KLHL14: variants seen among roughly 807,000 people sequenced by gnomAD.
KLHL14 encodes kelch-like protein 14.
Under a neutral mutation model 64.3 loss-of-function variants are expected in KLHL14, and 22 were observed. The ratio of observed to expected loss-of-function variants is 0.34; its 90% CI spans 0.24 to 0.49. The LOEUF (loss-of-function observed/expected upper bound fraction) is 0.49. Among genes scored for constraint, KLHL14 ranks in the 20% least tolerant of loss-of-function variants. The probability of loss-of-function intolerance (pLI) is 0.99; values close to 1 mark genes in which losing one functional copy is unlikely to be tolerated. For missense variants in KLHL14, 661 were observed against 789.0 expected, an observed-to-expected ratio of 0.84 and a Z score of 1.94; for synonymous variants, 322 against 333.4, an observed-to-expected ratio of 0.97 and a Z score of 0.37.
intron 3 of KLHL14, among the ~76,000 whole-genome samples, chr18:32,721,132 G>C (rs781435820): frequency 6.6e-6 from 1 of 152,212 alleles, no homozygotes; most frequent in Non-Finnish European, 1.5e-5. Flanking sequence ...GCAGTGCTCT[G>C]AGGCTGGCCG....
At chr18:32,679,429 T>A (rs1310853427) in intron 7 of KLHL14, among the ~76,000 whole-genome samples, 2 of 152,038 alleles carry the variant, frequency 1.3e-5, no homozygotes, top group African/African-American at 4.8e-5. Flanking sequence ...CATAGAGCAG[T>A]TTCTTCATCT....
At chr18:32,690,861 A>C (rs2049904067) in intron 4 of KLHL14, among the ~76,000 whole-genome samples, 1 of 152,196 alleles carries the variant, frequency 6.6e-6, no homozygotes, top group Non-Finnish European at 1.5e-5. Flanking sequence ...ATCATGTGGG[A>C]AAGTTTGGAT....
At chr18:32,695,317 T>C (rs1333604711) in intron 4 of KLHL14, 146 bp downstream of exon 4, 7 of 638,676 alleles carry the variant, frequency 1.1e-5, no homozygotes, top group East Asian at 2.7e-5. Context: ...CTCTCTCCAA[T>C]TGTCAGCCCC....
intron 3 of KLHL14, 114 bp downstream of exon 3, chr18:32,741,814 G>T (rs1388895014): frequency 1.6e-6 from 2 of 1,231,362 alleles, no homozygotes; most frequent in South Asian, 1.7e-5. Context: ...AACCTCCAAA[G>T]GGGAACAAAT....
chr18:32,709,177 ACT>A (rs2050005692), intron 3 of KLHL14, among the ~76,000 whole-genome samples: 1 of 151,746 alleles, frequency 6.6e-6, no homozygotes, highest in African/African-American at 2.4e-5. Context: ...TCTTTTCCAC[ACT>A]CTGCCTCACT....
chr18:32,737,154 T>A (rs1471927746), intron 3 of KLHL14, among the ~76,000 whole-genome samples: 3 of 151,932 alleles, frequency 2.0e-5, no homozygotes, highest in African/African-American at 7.2e-5. Context: ...CTATGAACCC[T>A]ACCTACCTGT....
At chr18:32,757,829 C>T (rs1238438337) in intron 2 of KLHL14, among the ~76,000 whole-genome samples, 1 of 152,096 alleles carries the variant, frequency 6.6e-6, no homozygotes, top group East Asian at 1.9e-4. Flanking sequence ...TTTTCTCTGC[C>T]ACACCAAATA....
intron 2 of KLHL14, among the ~76,000 whole-genome samples, chr18:32,757,210 C>T (rs1425936685): frequency 5.9e-5 from 9 of 152,148 alleles, no homozygotes; most frequent in Non-Finnish European, 1.2e-4. Flanking sequence ...ACACTAGAAG[C>T]GACAATGAAG....
intron 3 of KLHL14, among the ~76,000 whole-genome samples, chr18:32,697,555 T>C (rs1171791559): frequency 1.3e-5 from 2 of 152,158 alleles, no homozygotes; most frequent in Non-Finnish European, 1.5e-5. Flanking sequence ...CCAAATCTTA[T>C]AAATAATGAA....
chr18:32,770,390 G>C lies in KLHL14; in HGVS notation c.202C>G (p.Leu68Val). Residue 68 changes from leucine to valine, a missense_variant, in exon 2 of 9, where the codon CTC becomes GTC. Around this residue, in one of 2 missense-constraint regions of KLHL14, gnomAD observed 331 missense variants for 339.0 expected, o/e 0.98. Coordinates refer to ENST00000359358, the MANE Select transcript of KLHL14 (RefSeq NM_020805.3). The surrounding 1 kb of genome is among the most constrained non-coding windows in gnomAD (Gnocchi z 6.7). ...FRSLFSSHPP[L>V]GGGVGGQDGL... Reference sequence around the variant, plus strand: ...TCCTGGCCGCCGACCCCTCCCCCGAGAGGGGGGTGGCTGGAGAAGAGCGAT... The same window carrying C: ...TCCTGGCCGCCGACCCCTCCCCCGACAGGGGGGTGGCTGGAGAAGAGCGAT... 1 of 1,595,962 alleles carries C rather than the reference G, an allele frequency of 6.3e-7. No individual in the cohort carries two copies.
At chr18:32,740,518 C>T (rs2050190769) in intron 3 of KLHL14, among the ~76,000 whole-genome samples, 1 of 152,118 alleles carries the variant, frequency 6.6e-6, no homozygotes, top group Non-Finnish European at 1.5e-5. Context: ...TTTTCTCTCT[C>T]CTCCTCCTAG....
intron 3 of KLHL14, among the ~76,000 whole-genome samples, chr18:32,734,499 C>T (rs757249020): frequency 3.3e-5 from 5 of 152,224 alleles, no homozygotes; most frequent in Non-Finnish European, 7.3e-5. Flanking sequence ...TAATCTAGCT[C>T]ATCCTGACTG....
chr18:32,753,429 C>G (rs1166465420), intron 2 of KLHL14, among the ~76,000 whole-genome samples: 2 of 152,208 alleles, frequency 1.3e-5, no homozygotes. Flanking sequence ...CTCATCCCGC[C>G]CCTGTGGCTC....
In KLHL14 at chr18:32,770,222, T is replaced by C. The variant is rs1384350314; in HGVS notation, c.370A>G (p.Asn124Asp). The change falls in exon 2 of 9, where the codon AAC becomes GAC. Residue 124 changes from asparagine (N) to aspartate (D), a missense_variant. This residue lies in a region of KLHL14 where 331 missense variants were observed against 339.0 expected (regional missense o/e 0.98). Coordinates refer to ENST00000359358, the MANE Select transcript of KLHL14 (RefSeq NM_020805.3). The surrounding 1 kb of genome is among the most constrained non-coding windows in gnomAD (Gnocchi z 6.7). Reference protein sequence around the residue: ...KLLTSPRAINNLVLQGCSSIG... With the variant: ...KLLTSPRAINDLVLQGCSSIG... ...GACGAGCAGCCCTGCAGCACCAGGTTGTTGATGGCCCGGGGGCTGGTCAGC... is the reference window on the plus strand; with the variant it reads ...GACGAGCAGCCCTGCAGCACCAGGTCGTTGATGGCCCGGGGGCTGGTCAGC... 6.2e-7 allele frequency: 1 copy of C among 1,608,054 alleles called. No homozygotes were observed. Among genetic ancestry groups the C allele is most frequent in the Non-Finnish European group, 8.5e-7 (1 of 1,175,774 alleles).
rs1398569641 is a variant in KLHL14 at position 32,680,085 on chromosome 18, A to G, written c.1588+84T>C. ...CATGTTTTTTACTTGGTTAACTATG[A>G]TTATCTAAGGAGAAACCCCCTTAGC... On this transcript the variant is annotated intron_variant, in intron 7 of 8. Transcript: ENST00000359358. This position sits in a 1 kb window ranked among gnomAD's most constrained non-coding sequence, Gnocchi z 4.8. 32 of 1,352,842 alleles carry G rather than the reference A, an allele frequency of 2.4e-5. No homozygotes were observed. The highest frequency in any genetic ancestry group is 3.1e-5 in the Non-Finnish European group (31 of 986,404). The allele number at this position is 1,352,842 out of a possible 1,614,324, so 83.8% of individuals were successfully genotyped here.
At chr18:32,740,939 C>T (rs968746556) in intron 3 of KLHL14, 2 of 151,980 alleles carry the variant, frequency 1.3e-5, no homozygotes, top group African/African-American at 2.4e-5. Flanking sequence ...AAACTGTTGT[C>T]CAGTTTCTAT....
At chr18:32,703,588 C>T (rs1176186928) in intron 3 of KLHL14, among the ~76,000 whole-genome samples, 2 of 152,142 alleles carry the variant, frequency 1.3e-5, no homozygotes, top group African/African-American at 4.8e-5. Flanking sequence ...TTCAATAAAA[C>T]CTTGTTGATT....
intron 3 of KLHL14, among the ~76,000 whole-genome samples, chr18:32,718,757 A>G (rs2050059100): frequency 6.6e-6 from 1 of 152,340 alleles, no homozygotes. Flanking sequence ...AGTTTAAAAA[A>G]TAGTTTCAAC....
chr18:32,676,289 G>A (rs1239583554), intron 8 of KLHL14, among the ~76,000 whole-genome samples: 1 of 152,108 alleles, frequency 6.6e-6, no homozygotes, highest in African/African-American at 2.4e-5. Context: ...AGGGTATTCT[G>A]TATAACTGAA....
Sources: gnomAD v4.1 joint callset for allele counts (sites outside exome capture counted in the v4.1 genomes callset) on GRCh38, gnomAD v4.1.1 for gene constraint, gnomAD v4.1.1 regional missense constraint, Gnocchi (gnomAD v3.1) non-coding constraint, MANE v1.5 for transcripts, NCBI Gene and HGNC (gene_info 2026-07-23, HGNC 2026-07-21) for gene names.